Variants in TULP3 observed in about 807,000 individuals in gnomAD.
The protein encoded by TULP3 is TUB like protein 3, also known as tubby-related protein 3.
Under a neutral mutation model 50.7 loss-of-function variants are expected in TULP3, and 38 were observed. That is an observed-to-expected ratio of 0.75 (90% CI 0.58 to 0.98). The LOEUF is 0.98. Among genes scored for constraint, TULP3 ranks in the 50% least tolerant of loss-of-function variants. TULP3 has a pLI of 0.00. For synonymous variants in TULP3, 183 were observed against 196.6 expected, an observed-to-expected ratio of 0.93 and a Z score of 0.58; for missense variants, 550 against 568.0, an observed-to-expected ratio of 0.97 and a Z score of 0.32.
At chr12:2,910,826 A>G (rs1032105750) in intron 2 of TULP3, among the ~76,000 whole-genome samples, 2 of 152,206 alleles carry the variant, frequency 1.3e-5, no homozygotes, top group African/African-American at 4.8e-5. Context: ...ATACACACTT[A>G]TCCCTCTGCC....
intron 8 of TULP3, among the ~76,000 whole-genome samples, chr12:2,934,971 G>T (rs1215795063): frequency 6.7e-6 from 1 of 149,642 alleles, no homozygotes; most frequent in African/African-American, 2.5e-5. Flanking sequence ...TTTTTAAATT[G>T]TATCTTATTA....
intron 1 of TULP3, among the ~76,000 whole-genome samples, chr12:2,896,836 G>A (rs2153947566): frequency 6.6e-6 from 1 of 152,150 alleles, no homozygotes; most frequent in East Asian, 1.9e-4. Flanking sequence ...AGATTATAGT[G>A]CCTACTTTGT....
chr12:2,933,680 G>A (rs182517697), intron 7 of TULP3, 150 bp downstream of exon 7: 134 of 504,428 alleles, frequency 2.7e-4, no homozygotes, highest in Non-Finnish European at 4.1e-4. Context: ...GCTGGGCGCA[G>A]TGGCTCACAC....
intron 1 of TULP3, among the ~76,000 whole-genome samples, chr12:2,896,215 C>T (rs2079804): frequency 0.48 from 72,391 of 151,996 alleles, 17,690 homozygotes; most frequent in African/African-American, 0.59. Context: ...GCTGGGATTA[C>T]AGGCGTGAGC....
intron 1 of TULP3, among the ~76,000 whole-genome samples, chr12:2,894,538 A>AACACACAC (rs56834874): frequency 4.2e-4 from 62 of 147,828 alleles, no homozygotes; most frequent in African/African-American, 1.5e-3. Flanking sequence ...CCGTCTCAAA[A>AACACACAC]ACACACACAC....
At position 2,939,461 on chromosome 12, in the gene TULP3, G is replaced by A. The variant is rs1384398523; in HGVS notation, c.*17G>A. 1 of 1,613,524 alleles carries A rather than the reference G, an allele frequency of 6.2e-7. No homozygotes were observed. The highest frequency in any genetic ancestry group is 8.5e-7 in the Non-Finnish European group (1 of 1,179,814). On this transcript the variant is annotated 3_prime_UTR_variant, in exon 11 of 11. Transcript: ENST00000448120. The surrounding 1 kb of genome is among the most constrained non-coding windows in gnomAD (Gnocchi z 4.0). The stretch of plus-strand genomic sequence containing the variant: ...TGTGAATGAGAGAACAGTCAGGCAG[G>A]GAGCCCTTCTCCCCACAGAGCTTTC...
intron 10 of TULP3, among the ~76,000 whole-genome samples, chr12:2,938,630 A>G (rs1460772494): frequency 6.6e-6 from 1 of 151,734 alleles, no homozygotes; most frequent in Non-Finnish European, 1.5e-5. Flanking sequence ...CAAAAAATAG[A>G]AAAATTAGCT....
intron 6 of TULP3, among the ~76,000 whole-genome samples, chr12:2,931,450 A>T (rs1354334291): frequency 6.6e-6 from 1 of 152,200 alleles, no homozygotes; most frequent in Admixed American, 6.6e-5. Context: ...CACAAATAAG[A>T]GCTTTATCCA....
intron 9 of TULP3, 70 bp downstream of exon 9, chr12:2,937,799 CAAAAA>C: frequency 2.8e-6 from 2 of 720,636 alleles, no homozygotes; most frequent in South Asian, 2.4e-5. Flanking sequence ...GAGATTAATA[CAAAAA>C]AAAAAAAAAA....
At chr12:2,930,573 G>A (rs1418304976) in intron 5 of TULP3, among the ~76,000 whole-genome samples, 2 of 152,018 alleles carry the variant, frequency 1.3e-5, no homozygotes, top group Non-Finnish European at 2.9e-5. Context: ...ACAGGCGCCC[G>A]CCATGACACC....
intron 2 of TULP3, among the ~76,000 whole-genome samples, chr12:2,910,230 T>C (rs1210797580): frequency 6.6e-5 from 10 of 152,004 alleles, no homozygotes; most frequent in Non-Finnish European, 1.5e-4. Context: ...GAGGCGGAGC[T>C]TGCAGTGAGG....
chr12:2,916,461 T>A (rs2153949305), intron 2 of TULP3, among the ~76,000 whole-genome samples: 1 of 152,338 alleles, frequency 6.6e-6, no homozygotes, highest in Non-Finnish European at 1.5e-5. Flanking sequence ...CTTTTACAGT[T>A]CAATTCCCAA....
intron 7 of TULP3, 46 bp from the exon 8 acceptor site, chr12:2,934,401 G>A: frequency 7.6e-7 from 1 of 1,322,916 alleles, no homozygotes; most frequent in Non-Finnish European, 1.0e-6. Flanking sequence ...GTTTGTATAA[G>A]AAAAAAAATA....
In TULP3 at chr12:2,890,961, G is replaced by A. The variant is rs749267317; in HGVS notation, c.14G>A (p.Arg5His). The A allele has an allele frequency of 1.3e-6, 2 of 1,596,158 alleles. No homozygotes were observed. The highest frequency in any genetic ancestry group is 1.3e-5 in the African/African-American group (1 of 74,278). The change falls in exon 1 of 11, where the codon CGC becomes CAC. Residue 5 changes from arginine (R) to histidine (H), a missense_variant. Transcript: ENST00000448120. MEASRCRLSPSGDSV... is the reference protein window; with the variant it reads MEASHCRLSPSGDSV... ...TCGGTGGCGGGCATGGAGGCTTCGCGCTGCCGGCTCAGTCCCAGCGGCGAC... is the reference window on the plus strand; with the variant it reads ...TCGGTGGCGGGCATGGAGGCTTCGCACTGCCGGCTCAGTCCCAGCGGCGAC...
intron 1 of TULP3, among the ~76,000 whole-genome samples, chr12:2,903,799 A>T (rs564261695): frequency 6.6e-6 from 1 of 151,910 alleles, no homozygotes; most frequent in South Asian, 2.1e-4. Context: ...GTTTGTTTTG[A>T]GATGAAGCCT....
intron 3 of TULP3, 115 bp downstream of exon 3, chr12:2,921,037 C>G (rs2098191383): frequency 1.6e-6 from 2 of 1,220,474 alleles, no homozygotes; most frequent in African/African-American, 1.5e-5. Flanking sequence ...TTACTAGGTA[C>G]CTTCATAAAT....
chr12:2,901,975 A>G lies in TULP3; in HGVS notation c.42-7554A>G, dbSNP rs12318334. Among the ~76,000 whole-genome samples the G allele has an allele frequency of 3.1e-3, 468 of 152,268 alleles. 3 individuals are homozygous for G. The highest frequency in any genetic ancestry group is 0.011 in the African/African-American group (453 of 41,568). On this transcript the variant is annotated intron_variant, in intron 1 of 10. Coordinates refer to ENST00000448120, the MANE Select transcript of TULP3 (RefSeq NM_003324.5). ...TGAATAACTAGATTTAAGAATAAAA[A>G]ATTGTTTTTTGTAGTTGTTTTCTTG...
intron 4 of TULP3, among the ~76,000 whole-genome samples, chr12:2,922,884 C>T (rs1052896768): frequency 7.2e-6 from 1 of 138,528 alleles, no homozygotes; most frequent in Non-Finnish European, 1.5e-5. Context: ...GACAAAGTCT[C>T]ACTCTGTCGC....
intron 7 of TULP3, 43 bp downstream of exon 7, chr12:2,933,573 C>A: frequency 8.1e-7 from 1 of 1,235,496 alleles, no homozygotes; most frequent in Non-Finnish European, 1.2e-6. Flanking sequence ...TTCTGATAGT[C>A]TTATTCCTAT....
Sources: gnomAD v4.1 joint callset for allele counts (sites outside exome capture counted in the v4.1 genomes callset) on GRCh38, gnomAD v4.1.1 for gene constraint, Gnocchi (gnomAD v3.1) non-coding constraint, MANE v1.5 for transcripts, NCBI Gene and HGNC (gene_info 2026-07-23, HGNC 2026-07-21) for gene names.